Variants in MAP3K1 observed in about 807,000 individuals in gnomAD.
MAP3K1 encodes MAP/ERK kinase kinase 1.
A neutral mutation model predicts 144.2 loss-of-function variants in MAP3K1; 36 were observed. The observed-to-expected ratio is 0.25, with a 90% CI of 0.19 to 0.33. MAP3K1 has a LOEUF of 0.33. MAP3K1 is among the 10% of genes least tolerant of loss of function. MAP3K1 has a pLI of 1.00. For synonymous variants in MAP3K1, 718 were observed against 688.7 expected (o/e 1.04, Z -0.67); for missense variants, 1,650 against 1,881.9 (o/e 0.88, Z 2.28).
chr5:56,815,630 T>A lies in MAP3K1; in HGVS notation c.57T>A (p.Ala19=). 7.6e-7 allele frequency: 1 copy of A among 1,324,276 alleles called. No homozygotes were observed. Among genetic ancestry groups the A allele is most frequent in the South Asian group, 2.0e-5 (1 of 50,200 alleles). The allele number at this position is 1,324,276 out of a possible 1,614,324, so 82.0% of individuals were successfully genotyped here. A position where few individuals can be genotyped will look rare whatever the true frequency, so the allele number is the denominator to read the frequency against. Residue 19 remains alanine, a synonymous_variant, in exon 1 of 20, where the codon GCT becomes GCA. Transcript: ENST00000399503. ...ASSSGFPGAR[A]TSPEAGGGGG... is the part of the protein sequence containing the mutation. ...CGTCGGGATTCCCGGGCGCCAGGGC[T>A]ACGAGCCCTGAGGCAGGCGGCGGCG...
At position 56,893,850 on chromosome 5, in the gene MAP3K1, T is replaced by C; in HGVS notation, c.*170T>C. On this transcript the variant is annotated 3_prime_UTR_variant, in exon 20 of 20. Transcript: ENST00000399503. ...TGATTGACAAATCATGATCTGTACC[T>C]AAGCTCAGTATGCAAAAGCCCAAAC... The C allele has an allele frequency of 1.4e-6, 1 of 716,552 alleles. No individual in the cohort carries two copies. Among genetic ancestry groups the C allele is most frequent in the Non-Finnish European group, 2.4e-6 (1 of 419,108 alleles). 44.4% of individuals were successfully genotyped at this position (716,552 alleles called of 1,614,324 possible).
At chr5:56,820,449 C>T (rs1339925888) in intron 1 of MAP3K1, 3 of 984,888 alleles carry the variant, frequency 3.0e-6, no homozygotes, top group African/African-American at 3.5e-5. Flanking sequence ...GGTCTCTACC[C>T]TGTGCTAAGT....
intron 3 of MAP3K1, 48 bp downstream of exon 3, chr5:56,859,963 T>A (rs1747457387): frequency 1.4e-6 from 2 of 1,448,954 alleles, no homozygotes; most frequent in Middle Eastern, 2.0e-4. Flanking sequence ...ATTTTTAGCT[T>A]CATTTATAAC....
chr5:56,818,304 GA>G (rs1001561464), intron 1 of MAP3K1, among the ~76,000 whole-genome samples: 41 of 150,878 alleles, frequency 2.7e-4, no homozygotes, highest in African/African-American at 9.5e-4. Flanking sequence ...AAAGTTTTAG[GA>G]AAAAAAACCC....
chr5:56,844,442 G>C (rs1162590001), intron 1 of MAP3K1, among the ~76,000 whole-genome samples: 1 of 152,016 alleles, frequency 6.6e-6, no homozygotes, highest in Non-Finnish European at 1.5e-5. Flanking sequence ...GCCTCCCAAA[G>C]TGCTGGGATT....
intron 1 of MAP3K1, among the ~76,000 whole-genome samples, chr5:56,824,232 A>T (rs1746240673): frequency 6.6e-6 from 1 of 152,244 alleles, no homozygotes. Context: ...TATCTAGAAC[A>T]TGGGTTAGCA....
chr5:56,831,979 G>T (rs1001938087), intron 1 of MAP3K1, among the ~76,000 whole-genome samples: 2 of 152,172 alleles, frequency 1.3e-5, no homozygotes, highest in African/African-American at 4.8e-5. Flanking sequence ...TATTTAACCT[G>T]CTGTCTGACT....
In MAP3K1 at chr5:56,882,172, C is replaced by T. The variant is rs769634553; in HGVS notation, c.2972C>T (p.Pro991Leu). The T allele has an allele frequency of 1.9e-6, 3 of 1,614,040 alleles. No homozygotes were observed. The highest frequency in any genetic ancestry group is 2.5e-6 in the Non-Finnish European group (3 of 1,180,038). The stretch of plus-strand genomic sequence containing the variant: ...TTGTCAACCCCTTCTTCTTCTACCC[C>T]ATCTGTACCAGCTGGCACTGCAACA... ...PALSTPSSST[P>L]SVPAGTATDV... The change falls in exon 14 of 20, where the codon CCA becomes CTA. Residue 991 changes from proline (P) to leucine (L), a missense_variant. By Grantham distance (98) the Pro-to-Leu change is moderately conservative. This residue lies in a region of MAP3K1 where 841 missense variants were observed against 886.5 expected (regional missense o/e 0.95). Transcript: ENST00000399503.
chr5:56,826,167 C>G (rs150757554), intron 1 of MAP3K1, among the ~76,000 whole-genome samples: 2 of 152,152 alleles, frequency 1.3e-5, no homozygotes, highest in Admixed American at 6.5e-5. Context: ...ATACTCTTTC[C>G]AGCTCCGTGG....
chr5:56,846,796 T>C (rs1318124236), intron 1 of MAP3K1, among the ~76,000 whole-genome samples: 1 of 152,208 alleles, frequency 6.6e-6, no homozygotes, highest in African/African-American at 2.4e-5. Context: ...AGTGTACATA[T>C]TTAGTTTCAT....
chr5:56,854,679 A>G (rs1747282649), intron 1 of MAP3K1, among the ~76,000 whole-genome samples: 1 of 152,200 alleles, frequency 6.6e-6, no homozygotes, highest in Non-Finnish European at 1.5e-5. Context: ...AGATTTGTTT[A>G]GACAAGGAAC....
chr5:56,864,759 C>T lies in MAP3K1; in HGVS notation c.860C>T (p.Pro287Leu), dbSNP rs1176834295. 6.2e-7 allele frequency: 1 copy of T among 1,614,032 alleles called. No homozygotes were observed. Among genetic ancestry groups the T allele is most frequent in the Admixed American group, 1.7e-5 (1 of 60,002 alleles). Residue 287 changes from proline to leucine, a missense_variant, in exon 4 of 20, where the codon CCC (proline) becomes CTC (leucine). Coordinates refer to ENST00000399503, the MANE Select transcript of MAP3K1 (RefSeq NM_005921.2). ...VPFQSGRITP[P>L]RRAPSPDGFS... ...TTTCAGAGTGGCAGAATCACACCAC[C>T]CCGAAGAGCCCCTTCACCAGATGGC...
intron 1 of MAP3K1, among the ~76,000 whole-genome samples, chr5:56,841,152 G>A (rs1029879849): frequency 6.6e-6 from 1 of 151,048 alleles, no homozygotes; most frequent in Non-Finnish European, 1.5e-5. Flanking sequence ...ATCATCTGAG[G>A]TCAAAATTGT....
intron 9 of MAP3K1, among the ~76,000 whole-genome samples, chr5:56,874,095 C>G (rs138159855): frequency 1.3e-5 from 2 of 152,292 alleles, no homozygotes; most frequent in East Asian, 3.9e-4. Flanking sequence ...ACAGTTAAAA[C>G]ATAGGTAGTG....
At chr5:56,839,713 C>T (rs1746754666) in intron 1 of MAP3K1, among the ~76,000 whole-genome samples, 1 of 152,106 alleles carries the variant, frequency 6.6e-6, no homozygotes, top group South Asian at 2.1e-4. Flanking sequence ...CCTGACACCC[C>T]AAAGATGTGC....
chr5:56,860,610 TG>T (rs971012246), intron 3 of MAP3K1, among the ~76,000 whole-genome samples: 3 of 152,168 alleles, frequency 2.0e-5, no homozygotes, highest in African/African-American at 7.2e-5. Context: ...CCCACCACTT[TG>T]GGAGGGCGAA....
At position 56,881,214 on chromosome 5, in the gene MAP3K1, G is replaced by A. The variant is rs1207029723; in HGVS notation, c.2311G>A (p.Glu771Lys). ...IDRLLLEFPAEFYPHIVSTDV... is the reference protein window; with the variant it reads ...IDRLLLEFPAKFYPHIVSTDV... ...TAGACTGTTGTTGGAATTTCCTGCT[G>A]AATTTTATCCTCATATTGTCAGTAC... Residue 771 changes from glutamate to lysine, a missense_variant, in exon 13 of 20, where the codon GAA (glutamate) becomes AAA (lysine). Glu to Lys is a moderately conservative substitution (Grantham distance 56). Transcript: ENST00000399503. 1 of 1,613,732 alleles carries A rather than the reference G, an allele frequency of 6.2e-7. No homozygotes were observed. Among genetic ancestry groups the A allele is most frequent in the East Asian group, 2.2e-5 (1 of 44,838 alleles).
chr5:56,886,097 T>TA (rs756057185), intron 17 of MAP3K1, 34 bp downstream of exon 17: 4 of 1,578,876 alleles, frequency 2.5e-6, no homozygotes, highest in South Asian at 2.2e-5. Context: ...CTAGTGACAA[T>TA]AAAAAAATTA....
chr5:56,839,787 C>T (rs1220636898), intron 1 of MAP3K1, among the ~76,000 whole-genome samples: 1 of 152,174 alleles, frequency 6.6e-6, no homozygotes, highest in Non-Finnish European at 1.5e-5. Context: ...TTTGTTAATG[C>T]ACCCTGCAAC....
Sources: allele counts gnomAD v4.1 joint callset (sites outside exome capture counted in the v4.1 genomes callset), GRCh38; gene constraint gnomAD v4.1.1; regional missense constraint gnomAD v4.1.1; transcripts MANE v1.5; gene names NCBI Gene and HGNC (gene_info 2026-07-23, HGNC 2026-07-21).